The following FHL2 variants were observed in gnomAD, a reference collection of about 807,000 sequenced individuals.
FHL2 encodes four and a half LIM domains protein 2.
In FHL2, 20 loss-of-function variants were observed where a neutral mutation model predicts 32.7. The ratio of observed to expected loss-of-function variants is 0.61; its 90% CI spans 0.43 to 0.89. The LOEUF is 0.89. Ranked by LOEUF, FHL2 falls within the 40% of genes least tolerant of loss-of-function variation. The pLI is 0.00. For missense variants in FHL2, 311 were observed against 358.6 expected, an observed-to-expected ratio of 0.87 and a Z score of 1.07; for synonymous variants, 123 against 128.1, an observed-to-expected ratio of 0.96 and a Z score of 0.27.
At chr2:105,435,682 C>T (rs535333262) in intron 1 of FHL2, among the ~76,000 whole-genome samples, 1 of 152,176 alleles carries the variant, frequency 6.6e-6, no homozygotes, top group East Asian at 1.9e-4. Flanking sequence ...ATTAGCCGGA[C>T]ATGGTGGCAG....
At chr2:105,399,700 C>A, upstream of FHL2, 1 of 1,393,772 alleles carries the variant, frequency 7.2e-7, no homozygotes, top group East Asian at 2.5e-5. Context: ...ATTCCAAGCC[C>A]GGGCCCTCTG....
At chr2:105,397,881 G>GTTTTTTTT (rs749684273) in intron 1 of FHL2, among the ~76,000 whole-genome samples, 4 of 116,288 alleles carry the variant, frequency 3.4e-5, no homozygotes, top group African/African-American at 1.2e-4. Context: ...TTGTTTTTTT[G>GTTTTTTTT]TTTTTTGTTT....
intron 3 of FHL2, among the ~76,000 whole-genome samples, chr2:105,385,179 G>A (rs1049383393): frequency 1.3e-5 from 2 of 152,162 alleles, no homozygotes; most frequent in African/African-American, 4.8e-5. Context: ...TTAGGGGGCT[G>A]GTGCTGTACC....
chr2:105,384,560 T>G (rs1305671985), intron 3 of FHL2, among the ~76,000 whole-genome samples: 1 of 152,054 alleles, frequency 6.6e-6, no homozygotes, highest in Non-Finnish European at 1.5e-5. Context: ...CAGGCTGGAG[T>G]GCAGTGGCAT....
At chr2:105,435,659 T>TA (rs1460489442) in intron 1 of FHL2, among the ~76,000 whole-genome samples, 4 of 151,982 alleles carry the variant, frequency 2.6e-5, no homozygotes, top group East Asian at 1.9e-4. Context: ...CTGTCTTCAC[T>TA]AAAAAAACAA....
intron 6 of FHL2, among the ~76,000 whole-genome samples, chr2:105,361,999 G>T (rs1437457847): frequency 6.6e-6 from 1 of 152,210 alleles, no homozygotes; most frequent in Non-Finnish European, 1.5e-5. Flanking sequence ...ATTGGTCCGT[G>T]ATTATAATAC....
chr2:105,399,218 G>A (rs1233807558), upstream of FHL2: 1 of 1,531,434 alleles, frequency 6.5e-7, no homozygotes, highest in Non-Finnish European at 8.7e-7. Flanking sequence ...GTCCCGGCCC[G>A]TACCCTTTGT....
At chr2:105,378,338 G>A (rs1000196850) in intron 3 of FHL2, 13 of 379,010 alleles carry the variant, frequency 3.4e-5, no homozygotes, top group Middle Eastern at 9.2e-4. Context: ...ACCTTCTGCA[G>A]GCGCAGCCTG....
chr2:105,369,135 C>T (rs997950694), intron 4 of FHL2, among the ~76,000 whole-genome samples: 3 of 152,114 alleles, frequency 2.0e-5, no homozygotes, highest in African/African-American at 7.2e-5. Flanking sequence ...GTTGCCAATC[C>T]CTGGGGACTG....
intron 5 of FHL2, among the ~76,000 whole-genome samples, chr2:105,365,357 G>C (rs1483226299): frequency 3.3e-5 from 5 of 152,172 alleles, no homozygotes; most frequent in African/African-American, 1.2e-4. Context: ...GTCGAGGAAT[G>C]GATGCTTCTG....
intron 1 of FHL2, among the ~76,000 whole-genome samples, chr2:105,429,364 G>A (rs1684357425): frequency 2.0e-5 from 3 of 152,164 alleles, no homozygotes; most frequent in African/African-American, 7.2e-5. Context: ...TTAAGTTAAG[G>A]ATCATGAGAT....
chr2:105,397,343 G>A (rs1443834242), intron 1 of FHL2, among the ~76,000 whole-genome samples: 1 of 152,034 alleles, frequency 6.6e-6, no homozygotes, highest in Non-Finnish European at 1.5e-5. Flanking sequence ...TATCAAATAT[G>A]TATACACTGT....
intron 1 of FHL2, among the ~76,000 whole-genome samples, chr2:105,426,301 C>T (rs1400421522): frequency 6.6e-6 from 1 of 152,198 alleles, no homozygotes; most frequent in Non-Finnish European, 1.5e-5. Context: ...ACCCCCAGCC[C>T]CACTAGGAAA....
At chr2:105,436,701 G>T (rs1490919484) in intron 1 of FHL2, among the ~76,000 whole-genome samples, 1 of 151,842 alleles carries the variant, frequency 6.6e-6, no homozygotes, top group Non-Finnish European at 1.5e-5. Flanking sequence ...TTCAATCAAA[G>T]ATATCTTAGA....
At chr2:105,404,168 C>T (rs1010692257), upstream of FHL2, among the ~76,000 whole-genome samples, 3 of 152,196 alleles carry the variant, frequency 2.0e-5, no homozygotes, top group African/African-American at 7.2e-5. Flanking sequence ...ATGTTCGTTA[C>T]CCTAACTGAC....
Position 105,398,953 on chromosome 2 carries a change from G to T in FHL2, c.-187C>A. The T allele has an allele frequency of 6.5e-7, 1 of 1,535,012 alleles. No homozygotes were observed. Among genetic ancestry groups the T allele is most frequent in the East Asian group, 2.7e-5 (1 of 37,110 alleles). The stretch of plus-strand genomic sequence containing the variant: ...CCTCGGCCTCCCTCCGGGGCGCAGG[G>T]GGTTGGAGGTACTCACGGCACCGCA... On this transcript the variant is annotated 5_prime_UTR_variant, in exon 1 of 7. Transcript: ENST00000530340.
chr2:105,362,394 G>C (rs762900749), intron 6 of FHL2, among the ~76,000 whole-genome samples: 1 of 152,200 alleles, frequency 6.6e-6, no homozygotes, highest in African/African-American at 2.4e-5. Context: ...GCTGAGTTAG[G>C]TGAACTTGGT....
At chr2:105,382,379 G>C (rs910585511) in intron 3 of FHL2, among the ~76,000 whole-genome samples, 3 of 152,210 alleles carry the variant, frequency 2.0e-5, no homozygotes, top group Admixed American at 2.0e-4. Context: ...CGAGGCTGCA[G>C]GTAGCAGGTG....
chr2:105,418,242 T>C (rs1033215400), intron 1 of FHL2, among the ~76,000 whole-genome samples: 7 of 152,150 alleles, frequency 4.6e-5, no homozygotes, highest in African/African-American at 1.7e-4. Context: ...ATCATTGAGA[T>C]AGTGCTGGGC....
Sources: gnomAD v4.1 joint callset for allele counts (sites outside exome capture counted in the v4.1 genomes callset) on GRCh38, gnomAD v4.1.1 for gene constraint, MANE v1.5 for transcripts, NCBI Gene and HGNC (gene_info 2026-07-23, HGNC 2026-07-21) for gene names.